Variants in ACSS2 observed in about 807,000 individuals in gnomAD.
ACSS2 encodes the protein acyl-CoA synthetase short chain family member 2, also known as acetyl-coenzyme A synthetase, cytoplasmic.
A neutral mutation model predicts 90.6 loss-of-function variants in ACSS2; 58 were observed. That is an observed-to-expected ratio of 0.64 (90% confidence interval 0.52 to 0.80). The LOEUF is 0.80. ACSS2 is among the 30% of genes least tolerant of loss of function. ACSS2 has a pLI of 0.00. For missense variants in ACSS2, 759 were observed against 912.0 expected, an observed-to-expected ratio of 0.83 and a Z score of 2.16; for synonymous variants, 300 against 330.9, an observed-to-expected ratio of 0.91 and a Z score of 1.01.
chr20:34,903,417 C>T (rs549654758), intron 2 of ACSS2, among the ~76,000 whole-genome samples: 2 of 151,312 alleles, frequency 1.3e-5, no homozygotes, highest in South Asian at 4.2e-4. Context: ...AAGTGGGAAA[C>T]CAGTTAGGTG....
chr20:34,904,883 G>A lies in ACSS2; in HGVS notation c.375-8213G>A, dbSNP rs190923282. On this transcript the variant is annotated intron_variant, in intron 2 of 17. Transcript: ENST00000360596. ...AGCTAAATTTCTCATTAATAGTTTT[G>A]TTTGATTCACAGTGTTTAAACCTTT... 8.2e-3 allele frequency among the ~76,000 whole-genome samples: 1,053 copies of A among 128,042 alleles called. 13 individuals are homozygous for A. The highest frequency in any genetic ancestry group is 0.029 in the African/African-American group (1,014 of 35,542). 84.0% of individuals were successfully genotyped at this position (128,042 alleles called of 152,430 possible).
chr20:34,877,824 A>G (rs2079957921), intron 1 of ACSS2, among the ~76,000 whole-genome samples: 1 of 148,798 alleles, frequency 6.7e-6, no homozygotes, highest in South Asian at 2.1e-4. Flanking sequence ...GTCTCAAAAA[A>G]AAAAAAAAAA....
At chr20:34,913,325 G>C in intron 3 of ACSS2, 68 bp from the exon 4 acceptor site, 3 of 1,571,720 alleles carry the variant, frequency 1.9e-6, no homozygotes, top group Non-Finnish European at 8.7e-7. Context: ...AGGGAGGCCA[G>C]CTGGATGGGA....
intron 1 of ACSS2, among the ~76,000 whole-genome samples, chr20:34,878,943 C>T (rs1043091018): frequency 4.5e-5 from 6 of 133,682 alleles, no homozygotes; most frequent in African/African-American, 1.6e-4. Context: ...CTCGCTCTGT[C>T]GCCCAGGCTG....
Position 34,876,688 on chromosome 20 carries a change from C to A in ACSS2, c.43C>A (p.Arg15=). The change falls in exon 1 of 18, where the codon CGG becomes AGG. Residue 15 remains arginine (R), a synonymous_variant. Transcript: ENST00000360596. ...EERVRSGSGS[R]GQEEAGAGGR... ...GCGGGTCCGGAGCGGCAGCGGGAGC[C>A]GGGGCCAGGAGGAAGCTGGAGCCGG... 1 of 1,421,662 alleles carries A rather than the reference C, an allele frequency of 7.0e-7. No homozygotes were observed. Among genetic ancestry groups the A allele is most frequent in the Non-Finnish European group, 9.3e-7 (1 of 1,080,234 alleles). 88.1% of individuals were successfully genotyped at this position (1,421,662 alleles called of 1,614,324 possible). A position where few individuals can be genotyped will look rare whatever the true frequency, so the allele number is the denominator to read the frequency against.
chr20:34,921,769 C>G lies in ACSS2; in HGVS notation c.1468-17C>G. 1 of 1,612,752 alleles carries G rather than the reference C, an allele frequency of 6.2e-7. No homozygotes were observed. The highest frequency in any genetic ancestry group is 8.5e-7 in the Non-Finnish European group (1 of 1,179,430). On this transcript the variant is annotated splice_polypyrimidine_tract_variant and intron_variant, in intron 12 of 17. Transcript: ENST00000360596. ...CCTCATTCCTCTTCTTGGGTTCTGT[C>G]TCCCGTTTGCTTCTAGACTTTCCCA...
chr20:34,904,625 T>G (rs185824623), intron 2 of ACSS2, among the ~76,000 whole-genome samples: 12 of 152,250 alleles, frequency 7.9e-5, no homozygotes, highest in Middle Eastern at 3.4e-3. Flanking sequence ...GAAATAGATG[T>G]GAAGAGAGGT....
intron 2 of ACSS2, among the ~76,000 whole-genome samples, chr20:34,890,328 C>G (rs1474330959): frequency 6.6e-6 from 1 of 152,126 alleles, no homozygotes; most frequent in Non-Finnish European, 1.5e-5. Flanking sequence ...CTCATGCTGT[C>G]TTCCCCCTGG....
At chr20:34,886,541 G>A (rs912794124) in intron 2 of ACSS2, among the ~76,000 whole-genome samples, 4 of 152,006 alleles carry the variant, frequency 2.6e-5, no homozygotes, top group Non-Finnish European at 5.9e-5. Flanking sequence ...GAAGAATCGC[G>A]TGAACCTGGG....
chr20:34,908,745 C>T (rs2080871451), intron 2 of ACSS2: 4 of 324,642 alleles, frequency 1.2e-5, no homozygotes, highest in South Asian at 5.0e-5. Context: ...CCTGTAATCC[C>T]AGCTACTCAG....
intron 2 of ACSS2, among the ~76,000 whole-genome samples, chr20:34,899,417 T>TCTTTCTTTCC (rs2080576687): frequency 2.8e-5 from 1 of 35,768 alleles, no homozygotes; most frequent in Non-Finnish European, 5.6e-5. Context: ...TTTCTTTCTT[T>TCTTTCTTTCC]CTTTCTTTCC....
At chr20:34,877,818 C>CAAAAAAAAAAAAAAA (rs60819156) in intron 1 of ACSS2, among the ~76,000 whole-genome samples, 13 of 91,222 alleles carry the variant, frequency 1.4e-4, no homozygotes, top group African/African-American at 5.7e-4. Context: ...GACTTTGTCT[C>CAAAAAAAAAAAAAAA]AAAAAAAAAA....
rs767189519 is a variant in ACSS2, at chr20:34,876,620, G to T, written c.-26G>T. 3 of 1,306,102 alleles carry T rather than the reference G, an allele frequency of 2.3e-6. No homozygotes were observed. The highest frequency in any genetic ancestry group is 2.4e-5 in the South Asian group (1 of 40,920). The allele number at this position is 1,306,102 out of a possible 1,614,324, so 80.9% of individuals were successfully genotyped here. ...CGGCACCCGCCGCGACCGCAAAGGCGGCCGCGGTTCTAGGAACTTGACGTG... is the reference window on the plus strand; with the variant it reads ...CGGCACCCGCCGCGACCGCAAAGGCTGCCGCGGTTCTAGGAACTTGACGTG... On this transcript the variant is annotated 5_prime_UTR_variant, in exon 1 of 18. Coordinates refer to ENST00000360596, the MANE Select transcript of ACSS2 (RefSeq NM_018677.4).
chr20:34,895,147 A>G (rs1217836089), intron 2 of ACSS2, among the ~76,000 whole-genome samples: 1 of 152,234 alleles, frequency 6.6e-6, no homozygotes, highest in African/African-American at 2.4e-5. Flanking sequence ...AACTCTTGAC[A>G]TAATGTTCAT....
chr20:34,924,966 A>C (rs1600366244), intron 14 of ACSS2, among the ~76,000 whole-genome samples: 1 of 152,172 alleles, frequency 6.6e-6, no homozygotes. Flanking sequence ...CTGGGATTAC[A>C]GGCATGAGCC....
chr20:34,877,818 CAAAAAAAAAA>C (rs60819156), intron 1 of ACSS2, among the ~76,000 whole-genome samples: 11 of 91,212 alleles, frequency 1.2e-4, no homozygotes, highest in Admixed American at 8.9e-4. Context: ...GACTTTGTCT[CAAAAAAAAAA>C]AAAAAAAAAA....
At position 34,927,252 on chromosome 20, in the gene ACSS2, C is replaced by T. The variant is rs1157120489; in HGVS notation, c.*38C>T. On this transcript the variant is annotated 3_prime_UTR_variant, in exon 18 of 18. Transcript: ENST00000360596. The surrounding 1 kb of genome is among the most constrained non-coding windows in gnomAD (Gnocchi z 4.2). ...CCTTTACCTAGGATTCCTCCTGCTC[C>T]AAACTTTGCCCATCCTCTTTGCCCC... 1.2e-6 allele frequency: 2 copies of T among 1,608,612 alleles called. No individual in the cohort carries two copies. The highest frequency in any genetic ancestry group is 2.2e-5 in the South Asian group (2 of 90,972).
chr20:34,926,841 G>A (rs774124980), intron 16 of ACSS2, 36 bp from the exon 17 acceptor site: 6 of 1,610,648 alleles, frequency 3.7e-6, no homozygotes, highest in South Asian at 1.1e-5. Flanking sequence ...CTGGCTAAGG[G>A]TGCTGAAGAA....
intron 2 of ACSS2, among the ~76,000 whole-genome samples, chr20:34,907,752 A>G (rs1411437483): frequency 1.3e-5 from 2 of 152,174 alleles, no homozygotes; most frequent in Non-Finnish European, 2.9e-5. Context: ...AGTTAAGGAA[A>G]TGGCTTTTCT....
Sources: allele counts gnomAD v4.1 joint callset (sites outside exome capture counted in the v4.1 genomes callset), GRCh38; gene constraint gnomAD v4.1.1; non-coding constraint Gnocchi (gnomAD v3.1); transcripts MANE v1.5; gene names NCBI Gene and HGNC (gene_info 2026-07-23, HGNC 2026-07-21).